CEP112: variants seen among roughly 807,000 people sequenced by gnomAD.
The protein encoded by CEP112 is centrosomal protein 112, also known as centrosomal protein of 112 kDa.
Under a neutral mutation model 153.0 loss-of-function variants are expected in CEP112, and 127 were observed. The ratio of observed to expected loss-of-function variants is 0.83; its 90% confidence interval spans 0.72 to 0.96. The LOEUF is 0.96. Among genes scored for constraint, CEP112 ranks in the 40% least tolerant of loss-of-function variants. CEP112 has a pLI of 0.00. For missense variants in CEP112, 1,089 were observed against 1,101.2 expected (o/e 0.99, Z 0.16); for synonymous variants, 358 against 374.4 (o/e 0.96, Z 0.51).
intron 23 of CEP112, among the ~76,000 whole-genome samples, chr17:65,716,099 A>C (rs2049494174): frequency 6.6e-6 from 1 of 152,152 alleles, no homozygotes; most frequent in Non-Finnish European, 1.5e-5. Flanking sequence ...AAGAATAAGA[A>C]ACGAACGCAT....
At chr17:65,763,906 G>A (rs2052767877) in intron 21 of CEP112, among the ~76,000 whole-genome samples, 1 of 151,746 alleles carries the variant, frequency 6.6e-6, no homozygotes, top group Non-Finnish European at 1.5e-5. Flanking sequence ...ATGATGTATT[G>A]GGTATATGGA....
chr17:66,024,076 C>T (rs941705737), intron 16 of CEP112, among the ~76,000 whole-genome samples: 8 of 152,176 alleles, frequency 5.3e-5, no homozygotes, highest in East Asian at 1.9e-4. Flanking sequence ...ACCATATGAC[C>T]GTCTCAACAG....
Position 65,961,503 on chromosome 17 carries a change from T to G in CEP112, c.1832A>C (p.Glu611Ala). 1 of 1,613,102 alleles carries G rather than the reference T, an allele frequency of 6.2e-7. No individual in the cohort carries two copies. Among genetic ancestry groups the G allele is most frequent in the Non-Finnish European group, 8.5e-7 (1 of 1,179,144 alleles). ...AGCATAGACTTTCTCTGAGTTCAGT[T>G]CCACCTGCCGCTTAAACTCTTCCAG... ...AALEEFKRQV[E>A]LNSEKVYAEM... Residue 611 changes from glutamate (E) to alanine (A), a missense_variant, in exon 18 of 27, where the codon GAA (glutamate) becomes GCA (alanine). Physicochemically the swap from Glu to Ala is moderately radical, Grantham distance 107 (BLOSUM62 -1). Coordinates refer to ENST00000535342, the MANE Select transcript of CEP112 (RefSeq NM_001199165.4).
intron 19 of CEP112, among the ~76,000 whole-genome samples, chr17:65,920,404 T>A (rs868435462): frequency 3.0e-4 from 33 of 111,352 alleles, no homozygotes; most frequent in African/African-American, 7.8e-4. Flanking sequence ...TATATATATA[T>A]AATTATAATA....
At chr17:65,643,255 A>C (rs1598170448) in intron 24 of CEP112, among the ~76,000 whole-genome samples, 1 of 152,266 alleles carries the variant, frequency 6.6e-6, no homozygotes, top group Non-Finnish European at 1.5e-5. Flanking sequence ...TTGCTCAAGT[A>C]CTGCTGCACG....
intron 6 of CEP112, among the ~76,000 whole-genome samples, chr17:66,127,261 T>C (rs1475409028): frequency 1.3e-5 from 2 of 152,156 alleles, no homozygotes; most frequent in East Asian, 1.9e-4. Flanking sequence ...CTAAGTAATG[T>C]ATATCATGTT....
chr17:66,134,426 G>A (rs2070345180), intron 4 of CEP112, among the ~76,000 whole-genome samples: 1 of 152,068 alleles, frequency 6.6e-6, no homozygotes, highest in African/African-American at 2.4e-5. Context: ...TATAACTAAG[G>A]TCATCAACAG....
intron 12 of CEP112, among the ~76,000 whole-genome samples, chr17:66,031,052 A>G (rs1424950771): frequency 6.6e-6 from 1 of 152,236 alleles, no homozygotes; most frequent in Non-Finnish European, 1.5e-5. Context: ...AGCATGGTTT[A>G]TAGACTAACT....
chr17:65,636,955 T>C (rs2107654), intron 26 of CEP112, 169 bp downstream of exon 26: 295,377 of 604,246 alleles, frequency 0.49, 73,149 homozygotes, highest in Middle Eastern at 0.59. Context: ...AGCACTGGGA[T>C]GAGAAGGGGG....
intron 19 of CEP112, among the ~76,000 whole-genome samples, chr17:65,916,543 T>C (rs1277722386): frequency 6.6e-6 from 1 of 152,018 alleles, no homozygotes; most frequent in African/African-American, 2.4e-5. Context: ...CAGCTTCTTT[T>C]TTTTTTTTTG....
intron 4 of CEP112, among the ~76,000 whole-genome samples, chr17:66,168,312 C>T (rs903381991): frequency 5.3e-5 from 8 of 152,088 alleles, no homozygotes; most frequent in East Asian, 1.9e-4. Context: ...CAAACACAAA[C>T]GGAAGCTTCC....
rs1433774697 is a variant in CEP112 at position 65,824,670 on chromosome 17, GA to G, written c.2394+27133del. On this transcript the variant is annotated intron_variant, in intron 21 of 26. Coordinates refer to ENST00000535342, the MANE Select transcript of CEP112 (RefSeq NM_001199165.4). ...GTTACCAAGTCTTCCAGGCAGAGGG[GA>G]AAATGTGTGTGAAGCCACAAACGGA... is the stretch of plus-strand genomic sequence containing the variant. 2.0e-5 allele frequency among the ~76,000 whole-genome samples: 3 copies of G among 152,292 alleles called. No homozygotes were observed. In the East Asian group the frequency reaches 5.8e-4, roughly 29 times the overall value.
At chr17:66,055,599 A>T (rs908715) in intron 11 of CEP112, among the ~76,000 whole-genome samples, 8 of 152,108 alleles carry the variant, frequency 5.3e-5, no homozygotes, top group Non-Finnish European at 1.0e-4. Context: ...CTCATGTTTA[A>T]GGTCTCCCAA....
chr17:65,780,539 T>C (rs2053938951), intron 21 of CEP112, among the ~76,000 whole-genome samples: 1 of 152,124 alleles, frequency 6.6e-6, no homozygotes, highest in African/African-American at 2.4e-5. Flanking sequence ...AATTAATTTT[T>C]TTTAAAATCT....
At chr17:66,109,898 C>T (rs898336950) in intron 6 of CEP112, among the ~76,000 whole-genome samples, 6 of 152,178 alleles carry the variant, frequency 3.9e-5, no homozygotes, top group African/African-American at 1.4e-4. Flanking sequence ...TGTTGGCTCA[C>T]GCCTGTAATC....
intron 17 of CEP112, among the ~76,000 whole-genome samples, chr17:65,970,474 A>G (rs1272229558): frequency 1.6e-5 from 1 of 61,858 alleles, no homozygotes. Context: ...ACATGCATGT[A>G]TATTACATGC....
intron 4 of CEP112, among the ~76,000 whole-genome samples, chr17:66,167,643 TA>T (rs1430222085): frequency 6.6e-6 from 1 of 152,120 alleles, no homozygotes; most frequent in Non-Finnish European, 1.5e-5. Flanking sequence ...AAAAAACAGA[TA>T]AAACTGAAAT....
intron 18 of CEP112, among the ~76,000 whole-genome samples, chr17:65,933,633 C>T (rs2061203449): frequency 6.6e-6 from 1 of 152,188 alleles, no homozygotes; most frequent in Admixed American, 6.5e-5. Context: ...CCCGCACCTC[C>T]ATCTTCCCCC....
chr17:65,865,117 C>G (rs1386756008), intron 20 of CEP112, among the ~76,000 whole-genome samples: 1 of 152,130 alleles, frequency 6.6e-6, no homozygotes, highest in Non-Finnish European at 1.5e-5. Flanking sequence ...TCTCGGCTCA[C>G]TGCAGCCTCA....
Sources: gnomAD v4.1 joint callset for allele counts (sites outside exome capture counted in the v4.1 genomes callset) on GRCh38, gnomAD v4.1.1 for gene constraint, MANE v1.5 for transcripts, NCBI Gene and HGNC (gene_info 2026-07-23, HGNC 2026-07-21) for gene names.